The following ZNF324B variants were observed in gnomAD, a reference collection of about 807,000 sequenced individuals.
ZNF324B encodes zinc finger protein 324B.
A neutral mutation model predicts 10.6 loss-of-function variants in ZNF324B; 7 were observed. The observed-to-expected ratio is 0.66, with a 90% CI of 0.38 to 1.24. ZNF324B has a LOEUF of 1.24. Among genes scored for constraint, ZNF324B ranks in the 50% most tolerant of loss-of-function variants. The probability of loss-of-function intolerance (pLI) is 0.02; values close to 1 mark genes in which losing one functional copy is unlikely to be tolerated. For missense variants in ZNF324B, 640 were observed against 764.7 expected, an observed-to-expected ratio of 0.84 and a Z score of 1.92; for synonymous variants, 316 against 321.0, an observed-to-expected ratio of 0.98 and a Z score of 0.17.
At chr19:58,423,414 C>T in the ZNF324B span, among the ~76,000 whole-genome samples, 1 of 152,220 alleles carries the variant, frequency 6.6e-6, no homozygotes, top group African/African-American at 2.4e-5. Context: ...CCCAGCTTGG[C>T]CTCCCAAAGT....
chr19:58,445,015 A>G, the ZNF324B span: 1 of 217,698 alleles, frequency 4.6e-6, no homozygotes, highest in African/African-American at 2.4e-5. Context: ...TCATACCCTA[A>G]TGAAGGACTC....
At chr19:58,425,998 C>G in the ZNF324B span, among the ~76,000 whole-genome samples, 3 of 152,170 alleles carry the variant, frequency 2.0e-5, no homozygotes, top group Non-Finnish European at 4.4e-5. Context: ...TCTTGAATCA[C>G]AGTGGTGTCT....
the ZNF324B span, chr19:58,434,015 G>A: frequency 2.5e-6 from 4 of 1,614,184 alleles, no homozygotes; most frequent in South Asian, 3.3e-5. Flanking sequence ...ACTTTCTGAT[G>A]TCGAAGGAGA....
At chr19:58,434,737 AAG>A in the ZNF324B span, 3 of 1,614,182 alleles carry the variant, frequency 1.9e-6, no homozygotes, top group Non-Finnish European at 2.5e-6. Context: ...GCTGCACTCG[AAG>A]AGTTTCTGTG....
chr19:58,435,122 G>T, the ZNF324B span: 1 of 1,614,120 alleles, frequency 6.2e-7, no homozygotes, highest in Non-Finnish European at 8.5e-7. Context: ...TTGGTGGAAG[G>T]ATCTGCATTA....
chr19:58,425,488 T>C, the ZNF324B span, among the ~76,000 whole-genome samples: 1 of 149,324 alleles, frequency 6.7e-6, no homozygotes, highest in African/African-American at 2.5e-5. Context: ...TTTTTTTTTT[T>C]AGACAGAATT....
At chr19:58,439,849 G>A in the ZNF324B span, 5 of 1,532,408 alleles carry the variant, frequency 3.3e-6, no homozygotes, top group Non-Finnish European at 4.4e-6. Context: ...TAGCCCTGCC[G>A]CTGGGCCGAA....
the ZNF324B span, among the ~76,000 whole-genome samples, chr19:58,427,373 T>TCTCTTTCCTTC: frequency 4.4e-4 from 17 of 38,436 alleles, no homozygotes; most frequent in African/African-American, 1.2e-3. Flanking sequence ...TTTCTTTCTT[T>TCTCTTTCCTTC]CTTTCTTTCT....
At chr19:58,433,052 T>C in the ZNF324B span, 4 of 359,322 alleles carry the variant, frequency 1.1e-5, no homozygotes, top group African/African-American at 2.4e-5. Context: ...GAAGGAAGGC[T>C]CAGGGTACTG....
At chr19:58,452,267 G>C (rs927464501) in intron 1 of ZNF324B, 1 of 152,372 alleles carries the variant, frequency 6.6e-6, no homozygotes, top group African/African-American at 2.4e-5. Context: ...TCTCGATGTG[G>C]AGCTGGAGTA....
At position 58,453,918 on chromosome 19, in the gene ZNF324B, C is replaced by A. The variant is rs1287401306; in HGVS notation, c.121+96C>A. 3.9e-6 allele frequency: 6 copies of A among 1,521,666 alleles called. No homozygotes were observed. In the East Asian group the frequency reaches 1.4e-4, roughly 35 times the overall value. The allele number at this position is 1,521,666 out of a possible 1,614,324, so 94.3% of individuals were successfully genotyped here. A position where few individuals can be genotyped will look rare whatever the true frequency, so the allele number is the denominator to read the frequency against. On this transcript the variant is annotated intron_variant, in intron 2 of 3. Coordinates refer to ENST00000336614, the MANE Select transcript of ZNF324B (RefSeq NM_207395.3). Reference sequence around the variant, plus strand: ...GTTGATGAGCAGGATCAAATCTGGCCAGGGCCACGTGGAACAAGGGTCTGG... The same window carrying A: ...GTTGATGAGCAGGATCAAATCTGGCAAGGGCCACGTGGAACAAGGGTCTGG...
the ZNF324B span, chr19:58,429,897 C>T: frequency 6.6e-6 from 1 of 152,182 alleles, no homozygotes; most frequent in Non-Finnish European, 1.5e-5. Context: ...GTATGGCAGG[C>T]AGCTTTGGAC....
upstream of ZNF324B, among the ~76,000 whole-genome samples, chr19:58,450,122 T>G (rs2052845053): frequency 6.6e-6 from 1 of 152,114 alleles, no homozygotes; most frequent in South Asian, 2.1e-4. Context: ...ATCTGATGGT[T>G]TCATAAGGGG....
the ZNF324B span, chr19:58,437,090 G>C: frequency 6.2e-7 from 1 of 1,614,020 alleles, no homozygotes; most frequent in African/African-American, 1.3e-5. Context: ...TCACACTGTG[G>C]TACAGGTGCC....
the ZNF324B span, chr19:58,437,012 A>C: frequency 6.2e-7 from 1 of 1,613,970 alleles, no homozygotes; most frequent in East Asian, 2.2e-5. Flanking sequence ...CACAAGGCAT[A>C]AGGTAGTCAT....
chr19:58,424,755 C>T, the ZNF324B span, among the ~76,000 whole-genome samples: 1 of 151,802 alleles, frequency 6.6e-6, no homozygotes, highest in East Asian at 1.9e-4. Context: ...TCTTTTGAGC[C>T]CAAGAGTCCA....
chr19:58,445,360 C>A, the ZNF324B span: 1 of 513,124 alleles, frequency 1.9e-6, no homozygotes, highest in East Asian at 5.5e-5. Context: ...TTGATGTGCA[C>A]AAAGTGATTC....
chr19:58,436,848 CT>C, the ZNF324B span: 1 of 763,688 alleles, frequency 1.3e-6, no homozygotes, highest in South Asian at 1.4e-5. Context: ...TGGGCAACAG[CT>C]ATTAGGAAAG....
rs1216313620 is a variant in ZNF324B at position 58,457,042 on chromosome 19, A to AAT, written c.*463_*464insAT. ...ATTTTCCCCCTGAGGCCTCTATTCA[A>AAT]GGCTTCCTGGGGGCCATCTCAGCAA... On this transcript the variant is annotated 3_prime_UTR_variant, in exon 4 of 4. Transcript: ENST00000336614. The AAT allele has an allele frequency of 5.6e-6, 1 of 178,224 alleles. No individual in the cohort carries two copies. The highest frequency in any genetic ancestry group is 1.4e-4 in the East Asian group (1 of 7,132). 11.0% of individuals were successfully genotyped at this position (178,224 alleles called of 1,614,324 possible). A position where few individuals can be genotyped will look rare whatever the true frequency, so the allele number is the denominator to read the frequency against.
Sources: gnomAD v4.1 joint callset for allele counts (sites outside exome capture counted in the v4.1 genomes callset) on GRCh38, gnomAD v4.1.1 for gene constraint, MANE v1.5 for transcripts, NCBI Gene and HGNC (gene_info 2026-07-23, HGNC 2026-07-21) for gene names.